Variants in KDELR1 observed in about 807,000 individuals in gnomAD.
The protein encoded by KDELR1 is ER lumen protein-retaining receptor 1.
In KDELR1, 16 loss-of-function variants were observed where a neutral mutation model predicts 25.5. The ratio of observed to expected loss-of-function variants is 0.63; its 90% CI spans 0.43 to 0.95. KDELR1 has a LOEUF of 0.95. Among genes scored for constraint, KDELR1 ranks in the 40% least tolerant of loss-of-function variants. The pLI is 0.00. For synonymous variants in KDELR1, 121 were observed against 115.0 expected, an observed-to-expected ratio of 1.05 and a Z score of -0.33; for missense variants, 159 against 265.2, an observed-to-expected ratio of 0.60 and a Z score of 2.78.
chr19:48,391,574 G>T, upstream of KDELR1: 1 of 558,792 alleles, frequency 1.8e-6, no homozygotes, highest in Non-Finnish European at 3.2e-6. Context: ...GAGAGGGGGA[G>T]GAGTCCGGGA....
chr19:48,388,668 G>C (rs113229096), intron 3 of KDELR1, among the ~76,000 whole-genome samples: 1 of 150,922 alleles, frequency 6.6e-6, no homozygotes, highest in Admixed American at 6.7e-5. Context: ...CTGGGCAACC[G>C]AGCGAGACTT....
upstream of KDELR1, among the ~76,000 whole-genome samples, chr19:48,393,937 G>A (rs540216276): frequency 6.6e-6 from 1 of 152,220 alleles, no homozygotes; most frequent in Admixed American, 6.5e-5. This position sits in a 1 kb window ranked among gnomAD's most constrained non-coding sequence, Gnocchi z 5.6. Flanking sequence ...AAGCGCTGCG[G>A]CGGCGGAGGG....
intron 1 of KDELR1, 55 bp from the exon 2 acceptor site, chr19:48,390,579 G>C: frequency 2.1e-6 from 2 of 970,620 alleles, no homozygotes; most frequent in Non-Finnish European, 3.1e-6. Context: ...GAGAGAGAGA[G>C]ACAGACAGAC....
In KDELR1 at chr19:48,383,209, C is replaced by A; in HGVS notation, c.*84G>T. ...AAGAGGTGGGTTCTTAAAAAAGTCACCCCTGGATGGGAAAGCTCTTCATCT... is the reference window on the plus strand; with the variant it reads ...AAGAGGTGGGTTCTTAAAAAAGTCAACCCTGGATGGGAAAGCTCTTCATCT... On this transcript the variant is annotated 3_prime_UTR_variant, in exon 5 of 5. Coordinates refer to ENST00000330720, the MANE Select transcript of KDELR1 (RefSeq NM_006801.3). 1 of 1,434,172 alleles carries A rather than the reference C, an allele frequency of 7.0e-7. No homozygotes were observed. The highest frequency in any genetic ancestry group is 1.2e-5 in the South Asian group (1 of 81,772). The allele number at this position is 1,434,172 out of a possible 1,614,324, so 88.8% of individuals were successfully genotyped here.
chr19:48,388,752 G>A (rs1440315593), intron 3 of KDELR1, among the ~76,000 whole-genome samples: 2 of 142,918 alleles, frequency 1.4e-5, no homozygotes, highest in African/African-American at 5.2e-5. Flanking sequence ...AGGAAGGAAA[G>A]AAGAAAGAAA....
chr19:48,392,249 C>T (rs1175824840), upstream of KDELR1, among the ~76,000 whole-genome samples: 2 of 149,888 alleles, frequency 1.3e-5, no homozygotes, highest in African/African-American at 2.5e-5. Context: ...GTCCAGGCCC[C>T]CAGCCCTTCC....
chr19:48,394,322 G>A (rs193034967), upstream of KDELR1, among the ~76,000 whole-genome samples: 43 of 151,616 alleles, frequency 2.8e-4, no homozygotes, highest in African/African-American at 1.0e-3. This position sits in a 1 kb window ranked among gnomAD's most constrained non-coding sequence, Gnocchi z 5.1. Context: ...GTCAAGGGGG[G>A]GTCTAGAGGT....
intron 3 of KDELR1, among the ~76,000 whole-genome samples, chr19:48,386,856 C>A (rs1970501646): frequency 6.6e-6 from 1 of 151,946 alleles, no homozygotes; most frequent in Non-Finnish European, 1.5e-5. Flanking sequence ...CACTTGAGGC[C>A]AGGAGTTCAA....
intron 3 of KDELR1, among the ~76,000 whole-genome samples, chr19:48,389,174 G>A (rs980701997): frequency 1.3e-4 from 20 of 152,122 alleles, no homozygotes; most frequent in African/African-American, 4.8e-4. Flanking sequence ...GGAGGCTGAG[G>A]TAGGATAATT....
rs764176136 is a variant in KDELR1, at chr19:48,389,682, C to A, written c.222G>T (p.Thr74=). ...KVVYIACSFT[T]VWLIYSKFKA... The stretch of plus-strand genomic sequence containing the variant: ...TGAACTTGCTATAAATCAACCAGAC[C>A]GTGGTGAAGGAGCAGGCTATGTAGA... Residue 74 remains threonine (T), a synonymous_variant, in exon 3 of 5, where the codon ACG becomes ACT. Transcript: ENST00000330720. 5.6e-6 allele frequency: 9 copies of A among 1,613,940 alleles called. No homozygotes were observed. The highest frequency in any genetic ancestry group is 5.3e-5 in the African/African-American group (4 of 74,910).
In KDELR1 at chr19:48,391,400, C is replaced by T; in HGVS notation, c.-42G>A. 2 of 1,505,480 alleles carry T rather than the reference C, an allele frequency of 1.3e-6. No homozygotes were observed. Among genetic ancestry groups the T allele is most frequent in the African/African-American group, 1.4e-5 (1 of 72,226 alleles). The allele number at this position is 1,505,480 out of a possible 1,614,324, so 93.3% of individuals were successfully genotyped here. ...CAGGGCTGAGCGGGAGGGAGGCAGG[C>T]TGGCGGGGGGGTGCCCCCCGAGGCT... On this transcript the variant is annotated 5_prime_UTR_variant, in exon 1 of 5. Coordinates refer to ENST00000330720, the MANE Select transcript of KDELR1 (RefSeq NM_006801.3).
rs961528817 is a variant in KDELR1, at chr19:48,383,067, A to AT, written c.*225dup. 5.0e-4 allele frequency: 288 copies of AT among 575,520 alleles called. No homozygotes were observed. The highest frequency in any genetic ancestry group is 6.5e-4 in the South Asian group (30 of 46,022). The allele number at this position is 575,520 out of a possible 1,614,324, so 35.7% of individuals were successfully genotyped here. ...GAATCAAAAACTAAAGAGTGGAAAG[A>AT]TTTTTTTTTCTTGTCTAAAAGGCAA... On this transcript the variant is annotated 3_prime_UTR_variant, in exon 5 of 5. Transcript: ENST00000330720.
the KDELR1 span, among the ~76,000 whole-genome samples, chr19:48,397,150 G>T: frequency 6.6e-6 from 1 of 152,116 alleles, no homozygotes; most frequent in Non-Finnish European, 1.5e-5. Flanking sequence ...TCCCAGATGG[G>T]GCCATGACTC....
chr19:48,385,797 G>C (rs536457276), intron 3 of KDELR1, among the ~76,000 whole-genome samples: 2 of 152,318 alleles, frequency 1.3e-5, no homozygotes, highest in East Asian at 3.9e-4. Flanking sequence ...GACATCCAAG[G>C]CATCGCTCCT....
chr19:48,390,393 G>T, intron 2 of KDELR1, 31 bp downstream of exon 2: 1 of 1,521,840 alleles, frequency 6.6e-7, no homozygotes, highest in Non-Finnish European at 9.1e-7. Context: ...CTGCCTCAGT[G>T]GGGGCCAGAG....
rs1246064597 is a variant in KDELR1 at position 48,384,422 on chromosome 19, C to A, written c.412G>T (p.Val138Leu). The A allele has an allele frequency of 1.2e-6, 2 of 1,613,776 alleles. No individual in the cohort carries two copies. Residue 138 changes from valine (V) to leucine (L), a missense_variant, in exon 4 of 5, where the codon GTG becomes TTG. Physicochemically the swap from Val to Leu is conservative, Grantham distance 32. Transcript: ENST00000330720. The surrounding 1 kb of genome is among the most constrained non-coding windows in gnomAD (Gnocchi z 4.6). ...GTCTCCGCCTCGCCGGTCTTGCTCA[C>A]CATGAACAGCTGCGGCAAGATGGCC... ...SVAILPQLFM[V>L]SKTGEAETIT...
chr19:48,396,205 C>T (rs1970638279), upstream of KDELR1, among the ~76,000 whole-genome samples: 1 of 151,940 alleles, frequency 6.6e-6, no homozygotes, highest in African/African-American at 2.4e-5. Context: ...TGTCCAGAGG[C>T]TGGACTCTGT....
upstream of KDELR1, among the ~76,000 whole-genome samples, chr19:48,392,771 C>T (rs996927983): frequency 9.2e-5 from 14 of 152,142 alleles, no homozygotes; most frequent in Non-Finnish European, 1.5e-4. Context: ...TTCTGCCCTG[C>T]CCACACACAC....
At chr19:48,387,419 A>T (rs1970505426) in intron 3 of KDELR1, among the ~76,000 whole-genome samples, 2 of 152,160 alleles carry the variant, frequency 1.3e-5, no homozygotes, top group Admixed American at 1.3e-4. Context: ...ACGGTGGCTC[A>T]TGCCTGTAAT....
Sources: allele counts gnomAD v4.1 joint callset (sites outside exome capture counted in the v4.1 genomes callset), GRCh38; gene constraint gnomAD v4.1.1; non-coding constraint Gnocchi (gnomAD v3.1); transcripts MANE v1.5; gene names NCBI Gene and HGNC (gene_info 2026-07-23, HGNC 2026-07-21).